Variants in MEIS2 observed in about 807,000 individuals in gnomAD.
MEIS2 encodes the protein Meis homeobox 2.
MEIS2 carries 9 observed loss-of-function variants against 58.6 expected under a neutral mutation model. The observed-to-expected ratio is 0.15, with a 90% confidence interval of 0.09 to 0.27. MEIS2 has a LOEUF of 0.27. Among genes scored for constraint, MEIS2 ranks in the 10% least tolerant of loss-of-function variants. MEIS2 has a pLI of 1.00. For synonymous variants in MEIS2, 221 were observed against 228.4 expected (o/e 0.97, Z 0.29); for missense variants, 427 against 635.0 (o/e 0.67, Z 3.52).
intron 8 of MEIS2, among the ~76,000 whole-genome samples, chr15:36,989,181 G>C (rs964667513): frequency 1.3e-5 from 2 of 152,158 alleles, no homozygotes; most frequent in African/African-American, 4.8e-5. Context: ...AAAGAGTCAT[G>C]TTCTTTGAGA....
intron 8 of MEIS2, among the ~76,000 whole-genome samples, chr15:36,968,186 A>T (rs2059417747): frequency 6.6e-6 from 1 of 152,228 alleles, no homozygotes. Flanking sequence ...TCTGATTGAT[A>T]TACATTTCTT....
At chr15:36,911,085 A>AATTTGATT (rs963693592) in intron 9 of MEIS2, among the ~76,000 whole-genome samples, 10 of 151,132 alleles carry the variant, frequency 6.6e-5, no homozygotes, top group Non-Finnish European at 1.5e-5. Context: ...TCTCAAAGGT[A>AATTTGATT]ATTTGATTAT....
chr15:36,953,189 T>C (rs1424573107), intron 8 of MEIS2, among the ~76,000 whole-genome samples: 3 of 152,102 alleles, frequency 2.0e-5, no homozygotes, highest in Non-Finnish European at 4.4e-5. Context: ...GTGTTTTGGA[T>C]TAATTTACAA....
chr15:37,074,588 G>A (rs1297096522), intron 7 of MEIS2, among the ~76,000 whole-genome samples: 1 of 151,930 alleles, frequency 6.6e-6, no homozygotes, highest in East Asian at 1.9e-4. Context: ...CACAGCCAAG[G>A]TCATATAGCT....
chr15:36,911,101 A>G (rs1293684146), intron 9 of MEIS2, among the ~76,000 whole-genome samples: 1 of 151,166 alleles, frequency 6.6e-6, no homozygotes, highest in Non-Finnish European at 1.5e-5. Flanking sequence ...ATTATTAGGG[A>G]ATTATATTAG....
intron 8 of MEIS2, among the ~76,000 whole-genome samples, chr15:36,995,133 C>T (rs933659574): frequency 1.3e-5 from 2 of 152,200 alleles, no homozygotes; most frequent in African/African-American, 4.8e-5. Context: ...TTCATTGCTT[C>T]CCAACGATGC....
At chr15:37,029,561 T>C (rs1180863029) in intron 8 of MEIS2, among the ~76,000 whole-genome samples, 1 of 152,014 alleles carries the variant, frequency 6.6e-6, no homozygotes, top group African/African-American at 2.4e-5. Flanking sequence ...AGTGGAGAAA[T>C]TGGGGGTGCA....
chr15:36,898,632 T>A (rs889800726), intron 9 of MEIS2: 1 of 152,168 alleles, frequency 6.6e-6, no homozygotes, highest in Non-Finnish European at 1.5e-5. Flanking sequence ...TCTCTCCAGT[T>A]CCCCCAAACA....
intron 8 of MEIS2, among the ~76,000 whole-genome samples, chr15:37,011,765 G>A (rs1030415125): frequency 4.0e-5 from 6 of 151,812 alleles, no homozygotes; most frequent in Admixed American, 6.6e-5. Flanking sequence ...GATTACAGGC[G>A]TGTACCACCA....
intron 8 of MEIS2, among the ~76,000 whole-genome samples, chr15:37,024,739 G>A (rs1316508433): frequency 6.6e-6 from 1 of 152,172 alleles, no homozygotes; most frequent in Non-Finnish European, 1.5e-5. Context: ...TGCCTTCCTT[G>A]GAATGGGCCT....
intron 8 of MEIS2, among the ~76,000 whole-genome samples, chr15:36,971,127 G>C (rs1366763537): frequency 6.6e-6 from 1 of 151,778 alleles, no homozygotes; most frequent in Non-Finnish European, 1.5e-5. Context: ...ATGTAAAGTC[G>C]ATTTACCTGC....
At chr15:37,092,700 T>C (rs1164190239) in intron 6 of MEIS2, among the ~76,000 whole-genome samples, 12 of 31,184 alleles carry the variant, frequency 3.8e-4, no homozygotes, top group African/African-American at 1.5e-3. Context: ...CATATGCTTT[T>C]TTTTTTTTTT....
At chr15:37,066,461 A>T (rs1405532766) in intron 7 of MEIS2, 1 of 152,182 alleles carries the variant, frequency 6.6e-6, no homozygotes, top group Non-Finnish European at 1.5e-5. Context: ...TCCTCTTTCT[A>T]TCGTGACAGT....
At chr15:37,080,201 C>T (rs971395421) in intron 7 of MEIS2, among the ~76,000 whole-genome samples, 6 of 152,160 alleles carry the variant, frequency 3.9e-5, no homozygotes, top group African/African-American at 1.4e-4. Context: ...TTACTCTACC[C>T]TTTTTATTCA....
At chr15:36,971,537 TAAAAA>T (rs71126247) in intron 8 of MEIS2, among the ~76,000 whole-genome samples, 119 of 67,096 alleles carry the variant, frequency 1.8e-3, no homozygotes, top group African/African-American at 2.9e-3. Context: ...CTTGTTACAT[TAAAAA>T]AAAAAAAAAA....
intron 8 of MEIS2, among the ~76,000 whole-genome samples, chr15:37,012,993 A>G (rs1020186553): frequency 5.3e-5 from 8 of 152,190 alleles, no homozygotes; most frequent in African/African-American, 1.9e-4. Context: ...GCATGAAATT[A>G]TTTAAACAGA....
At chr15:36,933,423 A>G (rs940773781) in intron 9 of MEIS2, among the ~76,000 whole-genome samples, 1 of 152,138 alleles carries the variant, frequency 6.6e-6, no homozygotes, top group African/African-American at 2.4e-5. Context: ...CATCTACATC[A>G]TGGAATTTTA....
chr15:37,004,034 A>T (rs2060831195), intron 8 of MEIS2, among the ~76,000 whole-genome samples: 1 of 152,194 alleles, frequency 6.6e-6, no homozygotes, highest in Non-Finnish European at 1.5e-5. Context: ...GCCAAAAATG[A>T]CTGAGATGAA....
chr15:36,989,761 G>A (rs2060208687), intron 8 of MEIS2, among the ~76,000 whole-genome samples: 1 of 152,172 alleles, frequency 6.6e-6, no homozygotes, highest in Non-Finnish European at 1.5e-5. Context: ...TAGCTTAATT[G>A]TTGGTTTACC....
Sources: gnomAD v4.1 joint callset for allele counts (sites outside exome capture counted in the v4.1 genomes callset) on GRCh38, gnomAD v4.1.1 for gene constraint, MANE v1.5 for transcripts, NCBI Gene and HGNC (gene_info 2026-07-23, HGNC 2026-07-21) for gene names.